Variants in PHACTR3 observed in about 807,000 individuals in gnomAD.
PHACTR3 encodes the protein protein phosphatase 1, regulatory subunit 123.
PHACTR3 carries 16 observed loss-of-function variants against 66.8 expected under a neutral mutation model. That is an observed-to-expected ratio of 0.24 (90% CI 0.16 to 0.36). The LOEUF is 0.36. PHACTR3 is among the 10% of genes least tolerant of loss of function. The probability of loss-of-function intolerance (pLI) is 1.00; values close to 1 mark genes in which losing one functional copy is unlikely to be tolerated. For missense variants in PHACTR3, 647 were observed against 719.9 expected (o/e 0.90, Z 1.16); for synonymous variants, 323 against 292.1 (o/e 1.11, Z -1.08).
At chr20:59,593,454 C>T (rs1046152809) in intron 1 of PHACTR3, among the ~76,000 whole-genome samples, 4 of 151,638 alleles carry the variant, frequency 2.6e-5, no homozygotes, top group Admixed American at 2.0e-4. Context: ...TTCAGCTTCT[C>T]TTTTCAATCT....
chr20:59,582,442 C>A (rs778426161), intron 1 of PHACTR3, among the ~76,000 whole-genome samples: 1 of 152,186 alleles, frequency 6.6e-6, no homozygotes, highest in Non-Finnish European at 1.5e-5. Flanking sequence ...AAGTGTTTCT[C>A]TATAAGGCAC....
At chr20:59,831,957 G>C (rs1381910747) in intron 8 of PHACTR3, among the ~76,000 whole-genome samples, 1 of 152,204 alleles carries the variant, frequency 6.6e-6, no homozygotes, top group Non-Finnish European at 1.5e-5. Context: ...ACCCTGGCCT[G>C]AGTGGCGACT....
intron 8 of PHACTR3, among the ~76,000 whole-genome samples, chr20:59,819,766 C>G (rs1294495649): frequency 6.6e-6 from 1 of 151,910 alleles, no homozygotes; most frequent in African/African-American, 2.4e-5. Flanking sequence ...TGTCCCGGTA[C>G]TGGCCACCCG....
At chr20:59,600,120 G>A (rs552992841), upstream of PHACTR3, among the ~76,000 whole-genome samples, 25 of 152,258 alleles carry the variant, frequency 1.6e-4, no homozygotes, top group Non-Finnish European at 2.9e-4. Flanking sequence ...CCACCTCATG[G>A]TCTTCGCTCA....
intron 1 of PHACTR3, among the ~76,000 whole-genome samples, chr20:59,663,675 G>A (rs115984102): frequency 0.019 from 2,955 of 152,310 alleles, 105 homozygotes; most frequent in African/African-American, 0.066. Context: ...GCGTGCAGGA[G>A]GTTCCCTGGC....
chr20:59,685,244 GC>G (rs1276639989), intron 1 of PHACTR3, among the ~76,000 whole-genome samples: 11 of 152,156 alleles, frequency 7.2e-5, no homozygotes, highest in Non-Finnish European at 1.5e-4. Flanking sequence ...ATCAGATCTT[GC>G]CCTGTCCCTG....
intron 8 of PHACTR3, among the ~76,000 whole-genome samples, chr20:59,831,440 TGCTTTAATTAACTGCCACACTCAG>T (rs2042374362): frequency 1.3e-5 from 2 of 152,084 alleles, no homozygotes; most frequent in South Asian, 4.2e-4. Context: ...ACCCACGCGA[TGCTTTAATTAACTGCCACACTCAG>T]GCTTTCTCAG....
intron 1 of PHACTR3, among the ~76,000 whole-genome samples, chr20:59,702,237 G>T (rs981630607): frequency 3.3e-5 from 5 of 152,020 alleles, no homozygotes; most frequent in African/African-American, 1.2e-4. Flanking sequence ...TCCTGACCTG[G>T]ACCCAAATGG....
At chr20:59,845,120 A>T in intron 11 of PHACTR3, 69 bp from the exon 12 acceptor site, 1 of 984,452 alleles carries the variant, frequency 1.0e-6, no homozygotes, top group East Asian at 2.6e-5. Flanking sequence ...TGGTTAATTT[A>T]TAAACACGAT....
intron 1 of PHACTR3, among the ~76,000 whole-genome samples, chr20:59,666,568 G>A (rs770975937): frequency 5.9e-5 from 9 of 152,032 alleles, no homozygotes; most frequent in African/African-American, 1.2e-4. Flanking sequence ...GAGAGACAGA[G>A]ACAGAGAGAC....
intron 1 of PHACTR3, among the ~76,000 whole-genome samples, chr20:59,624,484 G>A (rs755377542): frequency 8.5e-5 from 13 of 152,142 alleles, no homozygotes; most frequent in Non-Finnish European, 1.8e-4. Flanking sequence ...CTCAGGTGCC[G>A]CTGATGCTGC....
chr20:59,808,408 T>C (rs2041632650), intron 8 of PHACTR3, among the ~76,000 whole-genome samples: 1 of 152,236 alleles, frequency 6.6e-6, no homozygotes, highest in African/African-American at 2.4e-5. Context: ...GAGGAAATTC[T>C]GATAAAGCTC....
At chr20:59,831,871 T>C (rs2042394251) in intron 8 of PHACTR3, among the ~76,000 whole-genome samples, 1 of 152,208 alleles carries the variant, frequency 6.6e-6, no homozygotes, top group Non-Finnish European at 1.5e-5. Context: ...GGGTCTGCTC[T>C]CACAGAGCTT....
intron 1 of PHACTR3, among the ~76,000 whole-genome samples, chr20:59,587,688 C>G (rs1328611646): frequency 6.6e-6 from 1 of 152,152 alleles, no homozygotes; most frequent in East Asian, 1.9e-4. Flanking sequence ...AATTCAGTTC[C>G]TTGAGGCTGT....
At chr20:59,844,511 A>C (rs1053075008) in intron 11 of PHACTR3, 1 of 152,180 alleles carries the variant, frequency 6.6e-6, no homozygotes, top group Admixed American at 6.5e-5. Context: ...GGAATATTCC[A>C]CCTTAAGAAA....
chr20:59,635,148 T>TTTCTTTCTTTCTTTCTTTTTCTTTCTTTC (rs1491155985), intron 1 of PHACTR3, among the ~76,000 whole-genome samples: 1 of 23,692 alleles, frequency 4.2e-5, no homozygotes, highest in African/African-American at 1.6e-4. Context: ...TCTTTCTTTC[T>TTTCTTTCTTTCTTTCTTTTTCTTTCTTTC]TTTTCTTTCT....
At position 59,767,254 on chromosome 20, in the gene PHACTR3, C is replaced by G. The variant is rs202198442; in HGVS notation, c.610C>G (p.Leu204Val). 2 of 1,614,144 alleles carry G rather than the reference C, an allele frequency of 1.2e-6. No individual in the cohort carries two copies. The highest frequency in any genetic ancestry group is 1.3e-5 in the African/African-American group (1 of 74,948). ...AGSLLPTTNE[L>V]SQALAGADSL... The stretch of plus-strand genomic sequence containing the variant: ...CAGCCTCCTGCCCACCACCAATGAG[C>G]TCTCCCAAGCCTTAGCTGGGGCTGA... Residue 204 changes from leucine to valine, a missense_variant, in exon 5 of 13, where the codon CTC becomes GTC. Physicochemically the swap from Leu to Val is conservative, Grantham distance 32. This residue lies in a region of PHACTR3 where 577 missense variants were observed against 571.1 expected (regional missense o/e 1.01). Coordinates refer to ENST00000371015, the MANE Select transcript of PHACTR3 (RefSeq NM_080672.5).
In PHACTR3 at chr20:59,697,167, A is replaced by AGGCTCAGAAT. The variant is rs564790231; in HGVS notation, c.119-45938_119-45937insCTCAGAATGG. On this transcript the variant is annotated intron_variant, in intron 1 of 12. Coordinates refer to ENST00000371015, the MANE Select transcript of PHACTR3 (RefSeq NM_080672.5). ...GAAACAAAGGCTCAGAAGGCTCAGA[A>AGGCTCAGAAT]GGTGGAAATAAATCTCCCGGGTTTG... Among the ~76,000 whole-genome samples, 10 of 152,312 alleles carry AGGCTCAGAAT rather than the reference A, an allele frequency of 6.6e-5. No individual in the cohort carries two copies. The East Asian group carries it at 1.9e-3, about 29-fold the overall frequency.
At chr20:59,801,303 A>G (rs1436369319) in intron 7 of PHACTR3, among the ~76,000 whole-genome samples, 2 of 151,938 alleles carry the variant, frequency 1.3e-5, no homozygotes, top group Admixed American at 1.3e-4. Flanking sequence ...TTTGATTCTC[A>G]TTTTTCAAGA....
Sources: allele counts gnomAD v4.1 joint callset (sites outside exome capture counted in the v4.1 genomes callset), GRCh38; gene constraint gnomAD v4.1.1; regional missense constraint gnomAD v4.1.1; transcripts MANE v1.5; gene names NCBI Gene and HGNC (gene_info 2026-07-23, HGNC 2026-07-21).